Variants in SF3B4 observed in about 807,000 individuals in gnomAD.
The protein encoded by SF3B4 is splicing factor 3b subunit 4, also known as SAP 49.
SF3B4 carries 3 observed loss-of-function variants against 34.3 expected under a neutral mutation model. That is an observed-to-expected ratio of 0.09 (90% confidence interval 0.04 to 0.23). The LOEUF is 0.23. Among genes scored for constraint, SF3B4 ranks in the 10% least tolerant of loss-of-function variants. SF3B4 has a pLI of 1.00. For missense variants in SF3B4, 283 were observed against 567.2 expected (o/e 0.50, Z 5.09); for synonymous variants, 216 against 207.8 (o/e 1.04, Z -0.34).
chr1:149,926,407 T>C lies in SF3B4; in HGVS notation c.675A>G (p.Val225=). 2 of 1,613,028 alleles carry C rather than the reference T, an allele frequency of 1.2e-6. No homozygotes were observed. The highest frequency in any genetic ancestry group is 2.2e-5 in the East Asian group (1 of 44,838). The part of the protein sequence containing the change: ...PPPPSAPNPV[V]SSLGSGLPPP... ...GAGGAAGCCCAGACCCCAATGATGA[T>C]ACCACAGGATTGGGAGCAGAGGGTG... Residue 225 remains valine, a synonymous_variant, in exon 3 of 6, where the codon GTA becomes GTG. Coordinates refer to ENST00000271628, the MANE Select transcript of SF3B4 (RefSeq NM_005850.5). This position sits in a 1 kb window ranked among gnomAD's most constrained non-coding sequence, Gnocchi z 6.2.
chr1:149,925,120 T>TATTAAGA (rs782418264), intron 4 of SF3B4, among the ~76,000 whole-genome samples: 5 of 151,870 alleles, frequency 3.3e-5, no homozygotes, highest in Non-Finnish European at 7.4e-5. Context: ...TAAGACTTGG[T>TATTAAGA]ATTAAGAGTG....
chr1:149,927,095 T>A (rs2092594621), intron 2 of SF3B4, 71 bp downstream of exon 2: 2 of 1,578,334 alleles, frequency 1.3e-6, no homozygotes, highest in Admixed American at 3.6e-5. Context: ...AGGTTGCTCA[T>A]GTTATTCCAA....
intron 1 of SF3B4, 177 bp downstream of exon 1, chr1:149,927,549 A>G: frequency 1.2e-6 from 1 of 817,768 alleles, no homozygotes; most frequent in Non-Finnish European, 1.9e-6. Flanking sequence ...CTTAAGTATC[A>G]CACCCAGAGG....
intron 2 of SF3B4, 62 bp downstream of exon 2, chr1:149,927,103 CA>C: frequency 6.3e-7 from 1 of 1,585,914 alleles, no homozygotes; most frequent in Non-Finnish European, 8.6e-7. Context: ...CATGTTATTC[CA>C]AAACAGTTGT....
At position 149,923,823 on chromosome 1, in the gene SF3B4, TGGC is replaced by T; in HGVS notation, c.1087+15_1087+17del. On this transcript the variant is annotated intron_variant, in intron 5 of 5. Coordinates refer to ENST00000271628, the MANE Select transcript of SF3B4 (RefSeq NM_005850.5). ...ACATGATAAGTGCAGATGAGGGAGGTGGCTAGAGCCGACTTACCCATGGGAGAT... is the reference window on the plus strand; with the variant it reads ...ACATGATAAGTGCAGATGAGGGAGGTTAGAGCCGACTTACCCATGGGAGAT... 1 of 1,544,018 alleles carries T rather than the reference TGGC, an allele frequency of 6.5e-7. No homozygotes were observed. The highest frequency in any genetic ancestry group is 8.7e-7 in the Non-Finnish European group (1 of 1,146,000).
Position 149,926,249 on chromosome 1 carries a change from C to T in SF3B4, c.706+127G>A. On this transcript the variant is annotated intron_variant, in intron 3 of 5. Transcript: ENST00000271628. This position sits in a 1 kb window ranked among gnomAD's most constrained non-coding sequence, Gnocchi z 6.2. ...CTTTCTTCTTCACCACTACCATCAC[C>T]CCTCAGTCCTCTTCCCATCAACTCA... 4 of 852,674 alleles carry T rather than the reference C, an allele frequency of 4.7e-6. No homozygotes were observed. The highest frequency in any genetic ancestry group is 2.9e-5 in the Admixed American group (1 of 33,922). The allele number at this position is 852,674 out of a possible 1,614,324, so 52.8% of individuals were successfully genotyped here. A position where few individuals can be genotyped will look rare whatever the true frequency, so the allele number is the denominator to read the frequency against.
intron 4 of SF3B4, chr1:149,925,588 G>A: frequency 2.0e-6 from 1 of 507,396 alleles, no homozygotes; most frequent in Non-Finnish European, 3.6e-6. Context: ...TGGAGTCAGA[G>A]AAGAGAATGG....
Position 149,926,923 on chromosome 1 carries a change from A to G in SF3B4, c.164-5T>C. ...AGAATTCCACAAAGCCATAGCCTGGAAAAGTGGAGAAGAGGAGGTTAACAA... is the reference window on the plus strand; with the variant it reads ...AGAATTCCACAAAGCCATAGCCTGGGAAAGTGGAGAAGAGGAGGTTAACAA... On this transcript the variant is annotated splice_region_variant and splice_polypyrimidine_tract_variant and intron_variant, in intron 2 of 5. Coordinates refer to ENST00000271628, the MANE Select transcript of SF3B4 (RefSeq NM_005850.5). The surrounding 1 kb of genome is among the most constrained non-coding windows in gnomAD (Gnocchi z 6.2). The G allele has an allele frequency of 6.3e-7, 1 of 1,593,342 alleles. No individual in the cohort carries two copies. Among genetic ancestry groups the G allele is most frequent in the Non-Finnish European group, 8.5e-7 (1 of 1,170,156 alleles).
At chr1:149,927,484 G>T in intron 1 of SF3B4, 190 bp from the exon 2 acceptor site, 1 of 755,312 alleles carries the variant, frequency 1.3e-6, no homozygotes, top group Non-Finnish European at 2.1e-6. Context: ...GTCTAATTTA[G>T]TATTGTGAGT....
At position 149,926,178 on chromosome 1, in the gene SF3B4, T is replaced by C. The variant is rs150034192; in HGVS notation, c.707-136A>G. 5.2e-3 allele frequency: 3,664 copies of C among 703,270 alleles called. 84 individuals are homozygous for C. The highest frequency in any genetic ancestry group is 0.049 in the African/African-American group (2,715 of 55,758). The allele number at this position is 703,270 out of a possible 1,614,324, so 43.6% of individuals were successfully genotyped here. A position where few individuals can be genotyped will look rare whatever the true frequency, so the allele number is the denominator to read the frequency against. On this transcript the variant is annotated intron_variant, in intron 3 of 5. Coordinates refer to ENST00000271628, the MANE Select transcript of SF3B4 (RefSeq NM_005850.5). The surrounding 1 kb of genome is among the most constrained non-coding windows in gnomAD (Gnocchi z 6.2). ...CCCAGTGCTCTAAAATCAAAAGCAA[T>C]GTTAGAAAAGTCAACCAACTTCACC...
intron 1 of SF3B4, 93 bp from the exon 2 acceptor site, chr1:149,927,387 C>G (rs2092596766): frequency 1.3e-6 from 2 of 1,503,548 alleles, no homozygotes; most frequent in Non-Finnish European, 9.1e-7. Context: ...ACCAGGGGAA[C>G]TGGGGACCGC....
intron 2 of SF3B4, 47 bp downstream of exon 2, chr1:149,927,119 A>G (rs1553766137): frequency 6.2e-7 from 1 of 1,602,816 alleles, no homozygotes. Flanking sequence ...AGTTGTGAAT[A>G]CTGCTGGGAC....
chr1:149,925,657 A>G (rs781974298), intron 4 of SF3B4, 179 bp downstream of exon 4: 23 of 687,252 alleles, frequency 3.3e-5, no homozygotes, highest in Middle Eastern at 4.8e-4. Context: ...GAAAAACTTA[A>G]GAAATGGATT....
Position 149,923,861 on chromosome 1 carries a change from G to A in SF3B4, c.1067C>T (p.Pro356Leu). Reference sequence around the variant, plus strand: ...CTTACCCATGGGAGATCCGAATGGAGGCCCTCGGGGGGGCATGCCCATTGG... The same window carrying A: ...CTTACCCATGGGAGATCCGAATGGAAGCCCTCGGGGGGGCATGCCCATTGG... Reference protein sequence around the residue: ...PPPMGMPPRGPPFGSPMGHPG... With the variant: ...PPPMGMPPRGLPFGSPMGHPG... Residue 356 changes from proline (P) to leucine (L), a missense_variant, in exon 5 of 6, where the codon CCT becomes CTT. By Grantham distance (98) the Pro-to-Leu change is moderately conservative. This residue lies in a region of SF3B4 where 208 missense variants were observed against 292.6 expected (regional missense o/e 0.71). Transcript: ENST00000271628. 1 of 1,601,956 alleles carries A rather than the reference G, an allele frequency of 6.2e-7. No homozygotes were observed. The highest frequency in any genetic ancestry group is 2.3e-5 in the East Asian group (1 of 44,250).
rs1453355216 is a variant in SF3B4 at position 149,927,601 on chromosome 1, G to A, written c.34+125C>T. Reference sequence around the variant, plus strand: ...GCCACCCCGCCCCCAACAGGCAGAGGGCCGGTCTCGCGCCCTCTGGGGAAG... The same window carrying A: ...GCCACCCCGCCCCCAACAGGCAGAGAGCCGGTCTCGCGCCCTCTGGGGAAG... On this transcript the variant is annotated intron_variant, in intron 1 of 5. Coordinates refer to ENST00000271628, the MANE Select transcript of SF3B4 (RefSeq NM_005850.5). 25 of 1,294,074 alleles carry A rather than the reference G, an allele frequency of 1.9e-5. No homozygotes were observed. The African/African-American group carries it at 3.5e-4, about 18-fold the overall frequency. 80.2% of individuals were successfully genotyped at this position (1,294,074 alleles called of 1,614,324 possible).
rs2092588751 is a variant in SF3B4 at position 149,926,130 on chromosome 1, A to G, written c.707-88T>C. 1 of 729,836 alleles carries G rather than the reference A, an allele frequency of 1.4e-6. No individual in the cohort carries two copies. 45.2% of individuals were successfully genotyped at this position (729,836 alleles called of 1,614,324 possible). A position where few individuals can be genotyped will look rare whatever the true frequency, so the allele number is the denominator to read the frequency against. On this transcript the variant is annotated intron_variant, in intron 3 of 5. Coordinates refer to ENST00000271628, the MANE Select transcript of SF3B4 (RefSeq NM_005850.5). The surrounding 1 kb of genome is among the most constrained non-coding windows in gnomAD (Gnocchi z 6.2). Reference sequence around the variant, plus strand: ...CTGTCCTGATCTGGCCTCTCCAGGCAGGGTGAGCTCTTTCCCCCTCCTCCC... The same window carrying G: ...CTGTCCTGATCTGGCCTCTCCAGGCGGGGTGAGCTCTTTCCCCCTCCTCCC...
chr1:149,927,075 A>T, intron 2 of SF3B4, 91 bp downstream of exon 2: 1 of 1,541,664 alleles, frequency 6.5e-7, no homozygotes, highest in Non-Finnish European at 8.8e-7. Flanking sequence ...CTTAAAAGAA[A>T]AAAATCTTTA....
chr1:149,923,926 C>T lies in SF3B4; in HGVS notation c.1002G>A (p.Pro334=), dbSNP rs781927356. ...AGPPGSGGQP[P]PRPPPGMPHP... is the part of the protein sequence containing the mutation. ...GAGGCATTCCAGGTGGTGGTCGGGG[C>T]GGTGGCTGGCCCCCAGAGCCTGGGG... is the stretch of plus-strand genomic sequence containing the variant. The change falls in exon 5 of 6, where the codon CCG becomes CCA. Residue 334 remains proline (P), a synonymous_variant. Coordinates refer to ENST00000271628, the MANE Select transcript of SF3B4 (RefSeq NM_005850.5). The T allele has an allele frequency of 3.2e-5, 51 of 1,596,978 alleles. No individual in the cohort carries two copies. The highest frequency in any genetic ancestry group is 6.9e-5 in the East Asian group (3 of 43,754).
Position 149,926,523 on chromosome 1 carries a change from G to T in SF3B4, c.559C>A (p.His187Asn). 6.2e-7 allele frequency: 1 copy of T among 1,614,196 alleles called. No homozygotes were observed. The highest frequency in any genetic ancestry group is 8.5e-7 in the Non-Finnish European group (1 of 1,180,040). ...AGAAGTCGTTCGGCTGCTGAGCCAT[G>T]GCGCTCACCCTTGGAGTCCTTCTTG... The part of the protein sequence containing the change: ...AFKKDSKGER[H>N]GSAAERLLAA... Residue 187 changes from histidine to asparagine, a missense_variant, in exon 3 of 6, where the codon CAT becomes AAT. Around this residue, in one of 4 missense-constraint regions of SF3B4, gnomAD observed 35 missense variants for 111.9 expected, o/e 0.31. Coordinates refer to ENST00000271628, the MANE Select transcript of SF3B4 (RefSeq NM_005850.5). The surrounding 1 kb of genome is among the most constrained non-coding windows in gnomAD (Gnocchi z 6.2).
Sources: gnomAD v4.1 joint callset for allele counts (sites outside exome capture counted in the v4.1 genomes callset) on GRCh38, gnomAD v4.1.1 for gene constraint, gnomAD v4.1.1 regional missense constraint, Gnocchi (gnomAD v3.1) non-coding constraint, MANE v1.5 for transcripts, NCBI Gene and HGNC (gene_info 2026-07-23, HGNC 2026-07-21) for gene names.